Variants in NSUN2 observed in about 807,000 individuals in gnomAD.
NSUN2 encodes the protein NOP2/Sun RNA methyltransferase 2.
In NSUN2, 63 loss-of-function variants were observed where a neutral mutation model predicts 92.7. That is an observed-to-expected ratio of 0.68 (90% CI 0.56 to 0.84). NSUN2 has a LOEUF of 0.84. Ranked by LOEUF, NSUN2 falls within the 40% of genes least tolerant of loss-of-function variation. NSUN2 has a pLI of 0.00. For missense variants in NSUN2, 989 were observed against 964.9 expected (o/e 1.02, Z -0.33); for synonymous variants, 356 against 348.3 (o/e 1.02, Z -0.25).
rs958476880 is a variant in NSUN2, at chr5:6,607,491, A to G, written c.1324-107T>C. 5.2e-6 allele frequency: 5 copies of G among 956,946 alleles called. No individual in the cohort carries two copies. The Admixed American group carries it at 1.3e-4, about 24-fold the overall frequency. The allele number at this position is 956,946 out of a possible 1,614,324, so 59.3% of individuals were successfully genotyped here. ...CAAAATCCATCAGTTATATTTTTCT[A>G]CAGCATTATATGTAGAGAAAGACAA... On this transcript the variant is annotated intron_variant, in intron 12 of 18. Transcript: ENST00000264670.
At chr5:6,601,874 G>C (rs1437759025) in intron 18 of NSUN2, among the ~76,000 whole-genome samples, 1 of 152,132 alleles carries the variant, frequency 6.6e-6, no homozygotes, top group Non-Finnish European at 1.5e-5. Flanking sequence ...CTCGTGAGCT[G>C]AGGAGCTCTG....
chr5:6,632,383 G>A (rs1737954843), intron 2 of NSUN2, among the ~76,000 whole-genome samples: 1 of 152,144 alleles, frequency 6.6e-6, no homozygotes, highest in Non-Finnish European at 1.5e-5. Flanking sequence ...ATCTTCCTCA[G>A]ATCTCATTTT....
chr5:6,611,448 T>TAA lies in NSUN2; in HGVS notation c.1095+275_1095+276dup, dbSNP rs760872450. On this transcript the variant is annotated intron_variant, in intron 10 of 18. Transcript: ENST00000264670. ...ACAAGGCTTGAATCCCGGCCCAATT[T>TAA]AAAAAAAAAAAAAAAAAGCAAAGCT... Among the ~76,000 whole-genome samples, 96 of 86,082 alleles carry TAA rather than the reference T, an allele frequency of 1.1e-3. 5 individuals are homozygous for TAA. Among genetic ancestry groups the TAA allele is most frequent in the African/African-American group, 3.8e-3 (86 of 22,468 alleles). 56.5% of individuals were successfully genotyped at this position (86,082 alleles called of 152,430 possible).
intron 3 of NSUN2, among the ~76,000 whole-genome samples, chr5:6,627,143 T>G (rs2126506509): frequency 6.6e-6 from 1 of 152,322 alleles, no homozygotes. Context: ...TCCTCGACAT[T>G]TAATGTGTTC....
At chr5:6,604,354 T>C in intron 16 of NSUN2, 78 bp from the exon 17 acceptor site, 2 of 1,330,872 alleles carry the variant, frequency 1.5e-6, no homozygotes, top group Non-Finnish European at 2.1e-6. Context: ...TCAGGGGCTA[T>C]GCTCTTAGCG....
intron 7 of NSUN2, among the ~76,000 whole-genome samples, chr5:6,618,392 A>G (rs1463091500): frequency 6.6e-6 from 1 of 152,250 alleles, no homozygotes; most frequent in Admixed American, 6.5e-5. Context: ...TGACACTTTA[A>G]TCAGAATTAC....
chr5:6,604,711 C>A, intron 15 of NSUN2, 26 bp from the exon 16 acceptor site: 1 of 1,583,016 alleles, frequency 6.3e-7, no homozygotes, highest in South Asian at 1.1e-5. Context: ...TAAGATGAAA[C>A]ACAGAGAGAT....
intron 18 of NSUN2, among the ~76,000 whole-genome samples, chr5:6,601,867 G>A (rs529349250): frequency 3.9e-5 from 6 of 152,210 alleles, no homozygotes; most frequent in African/African-American, 7.2e-5. Flanking sequence ...TCTGCCACTC[G>A]TGAGCTGAGG....
intron 11 of NSUN2, 87 bp downstream of exon 11, chr5:6,610,868 C>A: frequency 6.6e-7 from 1 of 1,507,734 alleles, no homozygotes. Context: ...CTGCTGCCTC[C>A]AACTCACCCC....
chr5:6,600,188 C>CGCCAT lies in NSUN2; in HGVS notation c.2037_2041dup (p.Arg681HisfsTer23). Reference sequence around the variant, plus strand: ...AAAAGTTCGAATGGAGGCCTTTCCCCGCCATCCGCATAAGACGATGGGACA... The same window carrying CGCCAT: ...AAAAGTTCGAATGGAGGCCTTTCCCCGCCATGCCATCCGCATAAGACGATGGGACA... On this transcript the variant is annotated frameshift_variant, in exon 19 of 19. Transcript: ENST00000264670. LOFTEE classifies it low-confidence loss of function (END_TRUNC). The CGCCAT allele has an allele frequency of 6.2e-7, 1 of 1,614,204 alleles. No individual in the cohort carries two copies. The highest frequency in any genetic ancestry group is 1.3e-5 in the African/African-American group (1 of 75,046).
intron 12 of NSUN2, among the ~76,000 whole-genome samples, chr5:6,609,449 C>A (rs1375300605): frequency 3.9e-5 from 6 of 152,176 alleles, no homozygotes; most frequent in Non-Finnish European, 5.9e-5. Context: ...TTGGGGTCAG[C>A]AGAGCTCTGC....
intron 4 of NSUN2, among the ~76,000 whole-genome samples, chr5:6,625,052 G>C (rs1225295316): frequency 6.6e-6 from 1 of 151,492 alleles, no homozygotes; most frequent in African/African-American, 2.4e-5. Context: ...GTGCTTAGGG[G>C]TTTTGTGGTG....
chr5:6,599,646 G>C lies in NSUN2; in HGVS notation c.*280C>G, dbSNP rs1736459126. 2.7e-6 allele frequency: 1 copy of C among 366,552 alleles called. No individual in the cohort carries two copies. The highest frequency in any genetic ancestry group is 4.5e-5 in the East Asian group (1 of 22,182). 22.7% of individuals were successfully genotyped at this position (366,552 alleles called of 1,614,324 possible). ...GTTTCTTGATAGAAGTACAACTTTT[G>C]AAAGTCTATTCCCAGCAAAAGAAAC... On this transcript the variant is annotated 3_prime_UTR_variant, in exon 19 of 19. Coordinates refer to ENST00000264670, the MANE Select transcript of NSUN2 (RefSeq NM_017755.6).
At chr5:6,632,155 G>C (rs1274032396) in intron 2 of NSUN2, among the ~76,000 whole-genome samples, 178 bp from the exon 3 acceptor site, 1 of 152,046 alleles carries the variant, frequency 6.6e-6, no homozygotes, top group Non-Finnish European at 1.5e-5. Context: ...AATCCACACT[G>C]TTTGAGCCCT....
In NSUN2 at chr5:6,599,945, C is replaced by T. The variant is rs201160646; in HGVS notation, c.2285G>A (p.Gly762Glu). 2 of 1,613,352 alleles carry T rather than the reference C, an allele frequency of 1.2e-6. No homozygotes were observed. The highest frequency in any genetic ancestry group is 8.5e-7 in the Non-Finnish European group (1 of 1,179,970). ...PDVTAGCDPA[G>E]VHPPR Reference sequence around the variant, plus strand: ...GCCTGCTCACCGGGGTGGATGGACCCCCGCCGGGTCACAGCCTGCTGTCAC... The same window carrying T: ...GCCTGCTCACCGGGGTGGATGGACCTCCGCCGGGTCACAGCCTGCTGTCAC... The change falls in exon 19 of 19, where the codon GGG becomes GAG. Residue 762 changes from glycine to glutamate, a missense_variant. Around this residue, in one of 3 missense-constraint regions of NSUN2, gnomAD observed 626 missense variants for 602.3 expected, o/e 1.04. Coordinates refer to ENST00000264670, the MANE Select transcript of NSUN2 (RefSeq NM_017755.6).
intron 12 of NSUN2, 114 bp downstream of exon 12, chr5:6,609,712 C>T: frequency 1.3e-6 from 1 of 787,748 alleles, no homozygotes; most frequent in East Asian, 2.5e-5. Flanking sequence ...AGCTCTCCTG[C>T]TGCCCACAGC....
intron 15 of NSUN2, 137 bp downstream of exon 15, chr5:6,605,136 C>G (rs1736711401): frequency 3.5e-6 from 4 of 1,134,512 alleles, no homozygotes; most frequent in Admixed American, 2.2e-5. Context: ...AATCAAAGGG[C>G]AGGCTCAGGG....
intron 4 of NSUN2, 135 bp from the exon 5 acceptor site, chr5:6,623,420 T>C (rs1737541264): frequency 1.5e-6 from 1 of 684,684 alleles, no homozygotes; most frequent in Non-Finnish European, 2.4e-6. Context: ...ACTCATACTA[T>C]CACACAGAAC....
intron 12 of NSUN2, among the ~76,000 whole-genome samples, 153 bp from the exon 13 acceptor site, chr5:6,607,537 A>AT (rs1379924257): frequency 6.6e-6 from 1 of 152,244 alleles, no homozygotes; most frequent in African/African-American, 2.4e-5. Context: ...TTAAAGTGTC[A>AT]TTTTAAATCT....
Sources: gnomAD v4.1 joint callset for allele counts (sites outside exome capture counted in the v4.1 genomes callset) on GRCh38, gnomAD v4.1.1 for gene constraint, gnomAD v4.1.1 regional missense constraint, MANE v1.5 for transcripts, NCBI Gene and HGNC (gene_info 2026-07-23, HGNC 2026-07-21) for gene names.